The following DOCK9 variants were observed in gnomAD, a reference collection of about 807,000 sequenced individuals.
DOCK9 encodes the protein dedicator of cytokinesis protein 9.
Under a neutral mutation model 263.3 loss-of-function variants are expected in DOCK9, and 89 were observed. The observed-to-expected ratio is 0.34, with a 90% CI of 0.28 to 0.40. The LOEUF is 0.40. Ranked by LOEUF, DOCK9 falls within the 10% of genes least tolerant of loss-of-function variation. The probability of loss-of-function intolerance (pLI) is 1.00; values close to 1 mark genes in which losing one functional copy is unlikely to be tolerated. For missense variants in DOCK9, 2,140 were observed against 2,603.4 expected, an observed-to-expected ratio of 0.82 and a Z score of 3.87; for synonymous variants, 976 against 973.1, an observed-to-expected ratio of 1.00 and a Z score of -0.06.
chr13:99,067,915 A>G (rs940806302), intron 1 of DOCK9, among the ~76,000 whole-genome samples: 12 of 151,906 alleles, frequency 7.9e-5, no homozygotes, highest in African/African-American at 2.9e-4. Flanking sequence ...GCCATGGAAA[A>G]AACATCTGTA....
intron 50 of DOCK9, 130 bp downstream of exon 50, chr13:98,800,158 G>C: frequency 1.0e-6 from 1 of 972,354 alleles, no homozygotes; most frequent in Non-Finnish European, 1.5e-6. Flanking sequence ...CACAGACGTT[G>C]GGGGAAGGGA....
chr13:99,000,450 GAGT>G (rs1327484036), intron 1 of DOCK9, among the ~76,000 whole-genome samples: 1 of 152,186 alleles, frequency 6.6e-6, no homozygotes, highest in Non-Finnish European at 1.5e-5. Flanking sequence ...TTGCTTGGCA[GAGT>G]AGCTTAGTAG....
chr13:98,879,267 G>A (rs1594905283), intron 27 of DOCK9, among the ~76,000 whole-genome samples: 3 of 152,150 alleles, frequency 2.0e-5, no homozygotes, highest in Non-Finnish European at 2.9e-5. Flanking sequence ...TGGGAACCAG[G>A]GGAAGCAGGG....
At chr13:98,992,701 T>C (rs1318535762) in intron 1 of DOCK9, among the ~76,000 whole-genome samples, 1 of 152,194 alleles carries the variant, frequency 6.6e-6, no homozygotes, top group East Asian at 1.9e-4. Flanking sequence ...ACCATGATTG[T>C]GAGGCTTCTC....
At chr13:98,930,622 G>A (rs1047623720) in intron 2 of DOCK9, among the ~76,000 whole-genome samples, 1 of 152,022 alleles carries the variant, frequency 6.6e-6, no homozygotes, top group African/African-American at 2.4e-5. Flanking sequence ...TTTTATTCTG[G>A]TAAAATATGC....
At chr13:99,031,058 A>C (rs1887285361) in intron 1 of DOCK9, among the ~76,000 whole-genome samples, 2 of 142,178 alleles carry the variant, frequency 1.4e-5, no homozygotes, top group South Asian at 4.8e-4. Context: ...AAATTATCTC[A>C]AAAAAAAAAT....
chr13:98,880,880 C>T (rs982791143), intron 25 of DOCK9, among the ~76,000 whole-genome samples: 19 of 151,516 alleles, frequency 1.3e-4, no homozygotes, highest in African/African-American at 4.4e-4. Flanking sequence ...GTCATCTGAC[C>T]CGGTCAAATC....
At chr13:99,083,920 T>C (rs2042228708) in intron 1 of DOCK9, among the ~76,000 whole-genome samples, 1 of 152,240 alleles carries the variant, frequency 6.6e-6, no homozygotes, top group African/African-American at 2.4e-5. Flanking sequence ...ACTGCTTTAT[T>C]AGCTAGATAA....
chr13:98,893,776 A>G (rs564840545), intron 15 of DOCK9, among the ~76,000 whole-genome samples: 3 of 152,246 alleles, frequency 2.0e-5, no homozygotes, highest in African/African-American at 7.2e-5. Flanking sequence ...TTTTTAAAAA[A>G]TGAAAAAGGA....
At chr13:99,067,259 A>G (rs990712015) in intron 1 of DOCK9, among the ~76,000 whole-genome samples, 1 of 152,214 alleles carries the variant, frequency 6.6e-6, no homozygotes, top group Non-Finnish European at 1.5e-5. Flanking sequence ...TCAATGAATC[A>G]TGAGTGACAA....
intron 1 of DOCK9, among the ~76,000 whole-genome samples, chr13:98,991,169 T>A (rs1879710364): frequency 6.6e-6 from 1 of 152,124 alleles, no homozygotes; most frequent in South Asian, 2.1e-4. Context: ...CCTCCTGGGT[T>A]CACGTTGATT....
At chr13:99,044,162 G>C (rs1333234330) in intron 1 of DOCK9, among the ~76,000 whole-genome samples, 1 of 152,182 alleles carries the variant, frequency 6.6e-6, no homozygotes, top group Non-Finnish European at 1.5e-5. Context: ...TTGAATGCTC[G>C]TAACAGGAAA....
chr13:98,853,610 G>A, intron 34 of DOCK9, 88 bp from the exon 35 acceptor site: 1 of 973,070 alleles, frequency 1.0e-6, no homozygotes, highest in Non-Finnish European at 1.6e-6. Context: ...AAGACTCTTA[G>A]AATCAAGTCA....
chr13:98,968,407 G>A (rs1056029491), intron 1 of DOCK9, among the ~76,000 whole-genome samples: 10 of 152,198 alleles, frequency 6.6e-5, no homozygotes, highest in African/African-American at 2.4e-4. Context: ...TATCACTTGA[G>A]GCCAAGAGTT....
At chr13:98,994,165 G>A (rs1880463264) in intron 1 of DOCK9, among the ~76,000 whole-genome samples, 2 of 152,250 alleles carry the variant, frequency 1.3e-5, no homozygotes. Flanking sequence ...AAGGGCTGTT[G>A]GCGTGAGTCC....
Position 98,885,095 on chromosome 13 carries a change from G to A in DOCK9, c.2261-3C>T, listed in dbSNP as rs770236114. On this transcript the variant is annotated splice_region_variant and splice_polypyrimidine_tract_variant and intron_variant, in intron 20 of 52. Transcript: ENST00000682017. The stretch of plus-strand genomic sequence containing the variant: ...GAGGGGAAGCCAGGAGTAGCCAACT[G>A]TTGAAAACAAAGAACAACAACAACA... 5.6e-6 allele frequency: 9 copies of A among 1,613,366 alleles called. No individual in the cohort carries two copies. In the South Asian group the frequency reaches 9.9e-5, roughly 18 times the overall value.
chr13:98,999,290 G>GCGCACACACACA (rs1407938591), intron 1 of DOCK9, among the ~76,000 whole-genome samples: 1 of 145,762 alleles, frequency 6.9e-6, no homozygotes, highest in African/African-American at 2.5e-5. Context: ...GCATGCACGC[G>GCGCACACACACA]CACACACACA....
chr13:98,955,839 C>T (rs2140991890), intron 1 of DOCK9, among the ~76,000 whole-genome samples: 1 of 152,296 alleles, frequency 6.6e-6, no homozygotes, highest in East Asian at 1.9e-4. Flanking sequence ...TAGCTATGTC[C>T]CCTTCCAAGC....
At chr13:99,021,560 A>G (rs1259104889) in intron 1 of DOCK9, among the ~76,000 whole-genome samples, 1 of 150,112 alleles carries the variant, frequency 6.7e-6, no homozygotes, top group Non-Finnish European at 1.5e-5. Context: ...AATGGCGTGA[A>G]CCCGGAAGGC....
Sources: gnomAD v4.1 joint callset for allele counts (sites outside exome capture counted in the v4.1 genomes callset) on GRCh38, gnomAD v4.1.1 for gene constraint, MANE v1.5 for transcripts, NCBI Gene and HGNC (gene_info 2026-07-23, HGNC 2026-07-21) for gene names.